The following DEDD variants were observed in gnomAD, a reference collection of about 807,000 sequenced individuals.
DEDD encodes death effector domain-containing protein.
Under a neutral mutation model 29.2 loss-of-function variants are expected in DEDD, and 3 were observed. The observed-to-expected ratio is 0.10, with a 90% confidence interval of 0.05 to 0.27. DEDD has a LOEUF of 0.27. Ranked by LOEUF, DEDD falls within the 10% of genes least tolerant of loss-of-function variation. DEDD has a pLI of 1.00. For synonymous variants in DEDD, 152 were observed against 161.3 expected, an observed-to-expected ratio of 0.94 and a Z score of 0.44; for missense variants, 261 against 420.5, an observed-to-expected ratio of 0.62 and a Z score of 3.32.
chr1:161,122,072 G>A lies in DEDD; in HGVS notation c.*75C>T. The A allele has an allele frequency of 1.3e-6, 2 of 1,516,546 alleles. No homozygotes were observed. Among genetic ancestry groups the A allele is most frequent in the South Asian group, 1.2e-5 (1 of 82,036 alleles). The allele number at this position is 1,516,546 out of a possible 1,614,324, so 93.9% of individuals were successfully genotyped here. On this transcript the variant is annotated 3_prime_UTR_variant, in exon 6 of 6. Transcript: ENST00000368006. The surrounding 1 kb of genome is among the most constrained non-coding windows in gnomAD (Gnocchi z 4.2). Reference sequence around the variant, plus strand: ...GGGTGTGATTGGTTGGAAGGGTAGAGAACAAACCCCAGAACAGTGTAAGCT... The same window carrying A: ...GGGTGTGATTGGTTGGAAGGGTAGAAAACAAACCCCAGAACAGTGTAAGCT...
intron 1 of DEDD, chr1:161,132,046 A>G: frequency 7.2e-6 from 1 of 139,340 alleles, no homozygotes; most frequent in Non-Finnish European, 1.6e-5. Context: ...TCCCACCTCC[A>G]ATTTAACACT....
chr1:161,123,311 C>A, intron 4 of DEDD, 90 bp from the exon 5 acceptor site: 1 of 1,274,648 alleles, frequency 7.8e-7, no homozygotes, highest in Non-Finnish European at 1.1e-6. Context: ...ATCATTTAGA[C>A]TTAGCACTAA....
intron 2 of DEDD, among the ~76,000 whole-genome samples, chr1:161,130,075 G>A (rs994011754): frequency 2.0e-5 from 3 of 152,150 alleles, no homozygotes; most frequent in African/African-American, 7.2e-5. Flanking sequence ...TAGTTTTTGA[G>A]GTACTTGGCT....
chr1:161,129,866 C>T (rs1009691345), intron 2 of DEDD, among the ~76,000 whole-genome samples: 1 of 152,196 alleles, frequency 6.6e-6, no homozygotes, highest in African/African-American at 2.4e-5. Context: ...CATGAATTCT[C>T]CCCTACAGTT....
intron 2 of DEDD, among the ~76,000 whole-genome samples, chr1:161,129,166 G>A (rs1287744764): frequency 6.6e-6 from 1 of 152,202 alleles, no homozygotes; most frequent in Non-Finnish European, 1.5e-5. Context: ...AGCAAACATA[G>A]AAATATGTAA....
At chr1:161,127,115 AAAT>A (rs1441068358) in intron 2 of DEDD, among the ~76,000 whole-genome samples, 3 of 152,322 alleles carry the variant, frequency 2.0e-5, no homozygotes, top group African/African-American at 7.2e-5. Context: ...ACAGAGCCTC[AAAT>A]ATAGTGGGAG....
chr1:161,123,697 A>T, intron 4 of DEDD, 142 bp downstream of exon 4: 1 of 696,818 alleles, frequency 1.4e-6, no homozygotes, highest in Non-Finnish European at 2.4e-6. Flanking sequence ...GAGAAATGTC[A>T]CCTCGCCTGA....
intron 2 of DEDD, among the ~76,000 whole-genome samples, chr1:161,129,156 A>G (rs1192295939): frequency 6.6e-6 from 1 of 152,238 alleles, no homozygotes; most frequent in Non-Finnish European, 1.5e-5. Context: ...TATTCAATGA[A>G]GCAAACATAG....
Position 161,132,648 on chromosome 1 carries a change from G to A in DEDD, c.-195C>T, listed in dbSNP as rs1020727496. On this transcript the variant is annotated 5_prime_UTR_variant, in exon 1 of 6. Coordinates refer to ENST00000368006, the MANE Select transcript of DEDD (RefSeq NM_032998.3). ...CATCCGGGCTCCAGCAGCCGCCGCC[G>A]CCGCCGCCGCCGCGGCCGTGGGGGA... The A allele has an allele frequency of 6.0e-6, 1 of 166,102 alleles. No homozygotes were observed. Among genetic ancestry groups the A allele is most frequent in the Non-Finnish European group, 1.3e-5 (1 of 79,288 alleles). The allele number at this position is 166,102 out of a possible 1,614,324, so 10.3% of individuals were successfully genotyped here. A position where few individuals can be genotyped will look rare whatever the true frequency, so the allele number is the denominator to read the frequency against.
intron 4 of DEDD, 35 bp downstream of exon 4, chr1:161,123,801 TTGA>T (rs754397500): frequency 3.9e-5 from 61 of 1,555,702 alleles, no homozygotes; most frequent in Non-Finnish European, 4.9e-5. Flanking sequence ...GTCCTTTTAC[TTGA>T]TGATGGAAAG....
At chr1:161,126,343 CTT>C (rs538174697) in intron 2 of DEDD, among the ~76,000 whole-genome samples, 21 of 132,490 alleles carry the variant, frequency 1.6e-4, no homozygotes, top group East Asian at 2.1e-4. Flanking sequence ...ACTCCAAACT[CTT>C]TTTTTTTTTT....
intron 2 of DEDD, among the ~76,000 whole-genome samples, chr1:161,128,503 A>C (rs1165340693): frequency 3.3e-5 from 5 of 152,128 alleles, no homozygotes; most frequent in Non-Finnish European, 7.4e-5. Flanking sequence ...TGGGAGGCTA[A>C]GGTAGAAGAA....
chr1:161,125,893 T>C (rs1656115262), intron 2 of DEDD, among the ~76,000 whole-genome samples: 1 of 152,216 alleles, frequency 6.6e-6, no homozygotes, highest in Admixed American at 6.5e-5. Flanking sequence ...GTTATATAGT[T>C]TGGCTCTTGA....
chr1:161,123,468 T>C (rs1174063650), intron 4 of DEDD, among the ~76,000 whole-genome samples: 1 of 151,580 alleles, frequency 6.6e-6, no homozygotes, highest in Non-Finnish European at 1.5e-5. Context: ...TGAAACCCCG[T>C]CTCTAAAAAT....
chr1:161,123,899 A>G lies in DEDD; in HGVS notation c.373T>C (p.Tyr125His), dbSNP rs572205717. Residue 125 changes from tyrosine (Y) to histidine (H), a missense_variant, in exon 4 of 6, where the codon TAT becomes CAT. By Grantham distance (83) the Tyr-to-His change is moderately conservative. Coordinates refer to ENST00000368006, the MANE Select transcript of DEDD (RefSeq NM_032998.3). ...TCACTGAGGGCTCTGGGGGTCACAT[A>G]GCGAATTGATGTCTCCTCCAGATAC... is the stretch of plus-strand genomic sequence containing the variant. Reference protein sequence around the residue: ...DKYLEETSIRYVTPRALSDPE... With the variant: ...DKYLEETSIRHVTPRALSDPE... The G allele has an allele frequency of 3.1e-6, 5 of 1,614,134 alleles. No individual in the cohort carries two copies. The African/African-American group carries it at 5.3e-5, about 17-fold the overall frequency.
chr1:161,121,300 C>A lies in DEDD; in HGVS notation c.*847G>T. The A allele has an allele frequency of 1.9e-6, 1 of 519,566 alleles. No homozygotes were observed. Among genetic ancestry groups the A allele is most frequent in the Non-Finnish European group, 2.5e-6 (1 of 403,518 alleles). The allele number at this position is 519,566 out of a possible 1,614,324, so 32.2% of individuals were successfully genotyped here. A position where few individuals can be genotyped will look rare whatever the true frequency, so the allele number is the denominator to read the frequency against. ...ACTTACACCTATGATGCCCTTTGCCCAAGCCAGAAGAAAGCAAAGGGGAAA... is the reference window on the plus strand; with the variant it reads ...ACTTACACCTATGATGCCCTTTGCCAAAGCCAGAAGAAAGCAAAGGGGAAA... On this transcript the variant is annotated 3_prime_UTR_variant, in exon 6 of 6. Coordinates refer to ENST00000368006, the MANE Select transcript of DEDD (RefSeq NM_032998.3).
At chr1:161,128,867 T>C (rs1468852891) in intron 2 of DEDD, among the ~76,000 whole-genome samples, 1 of 152,152 alleles carries the variant, frequency 6.6e-6, no homozygotes, top group Non-Finnish European at 1.5e-5. Context: ...CCAACTGCAC[T>C]AAGGTGTTTC....
rs757465896 is a variant in DEDD at position 161,123,932 on chromosome 1, C to T, written c.340G>A (p.Val114Ile). 1.2e-6 allele frequency: 2 copies of T among 1,613,944 alleles called. No homozygotes were observed. Among genetic ancestry groups the T allele is most frequent in the African/African-American group, 2.7e-5 (2 of 74,884 alleles). The change falls in exon 4 of 6, where the codon GTA (valine) becomes ATA (isoleucine). Residue 114 changes from valine (V) to isoleucine (I), a missense_variant. This residue lies in a region of DEDD where 203 missense variants were observed against 268.7 expected (regional missense o/e 0.76). Transcript: ENST00000368006. ...KRRRAVCPDL[V>I]DKYLEETSIR... ...GATGTCTCCTCCAGATACTTGTCTA[C>T]AAGATCAGGGCACACTGTAGGAGGA...
In DEDD at chr1:161,122,447, C is replaced by T. The variant is rs1364391686; in HGVS notation, c.657G>A (p.Gln219=). 6.2e-7 allele frequency: 1 copy of T among 1,614,086 alleles called. No homozygotes were observed. The highest frequency in any genetic ancestry group is 2.2e-5 in the East Asian group (1 of 44,908). ...GCTCAAACTGGCGCTCAAGTGGGTC[C>T]TGCTTGTTAGAGAAGACATTGCCCT... The part of the protein sequence containing the change: ...ALQGNVFSNK[Q]DPLERQFERF... Residue 219 remains glutamine (Q), a synonymous_variant, in exon 6 of 6, where the codon CAG becomes CAA. Transcript: ENST00000368006. The surrounding 1 kb of genome is among the most constrained non-coding windows in gnomAD (Gnocchi z 4.2).
Sources: gnomAD v4.1 joint callset for allele counts (sites outside exome capture counted in the v4.1 genomes callset) on GRCh38, gnomAD v4.1.1 for gene constraint, gnomAD v4.1.1 regional missense constraint, Gnocchi (gnomAD v3.1) non-coding constraint, MANE v1.5 for transcripts, NCBI Gene and HGNC (gene_info 2026-07-23, HGNC 2026-07-21) for gene names.